Variants in MAGI2 observed in about 807,000 individuals in gnomAD.
MAGI2 encodes the protein membrane associated guanylate kinase, WW and PDZ domain containing 2.
In MAGI2, 35 loss-of-function variants were observed where a neutral mutation model predicts 133.3. The observed-to-expected ratio is 0.26, with a 90% confidence interval of 0.20 to 0.35. The LOEUF (loss-of-function observed/expected upper bound fraction) is 0.35, where lower values mean the gene tolerates loss of function less well. Ranked by LOEUF, MAGI2 falls within the 10% of genes least tolerant of loss-of-function variation. The pLI is 1.00. For synonymous variants in MAGI2, 729 were observed against 710.6 expected (o/e 1.03, Z -0.41); for missense variants, 1,636 against 1,863.4 (o/e 0.88, Z 2.25).
intron 1 of MAGI2, among the ~76,000 whole-genome samples, chr7:79,304,681 T>C (rs1194728988): frequency 6.6e-6 from 1 of 152,230 alleles, no homozygotes; most frequent in Non-Finnish European, 1.5e-5. Context: ...ACACTGCTGC[T>C]GAGCACTGAA....
intron 2 of MAGI2, among the ~76,000 whole-genome samples, chr7:78,763,654 C>G (rs910443822): frequency 1.3e-5 from 2 of 152,164 alleles, no homozygotes; most frequent in African/African-American, 4.8e-5. Context: ...AGCGAAACCC[C>G]GCTCTTTAGA....
intron 2 of MAGI2, among the ~76,000 whole-genome samples, chr7:78,844,655 A>G (rs1466499308): frequency 6.6e-6 from 1 of 151,858 alleles, no homozygotes; most frequent in Non-Finnish European, 1.5e-5. Flanking sequence ...GGTTGGTTGG[A>G]GAGTGACTGC....
chr7:79,213,315 C>G (rs926415316), intron 1 of MAGI2, among the ~76,000 whole-genome samples: 13 of 146,362 alleles, frequency 8.9e-5, no homozygotes, highest in African/African-American at 3.5e-4. Context: ...TTTACACACA[C>G]GTACACACGT....
intron 2 of MAGI2, among the ~76,000 whole-genome samples, chr7:78,878,822 C>T (rs1476315123): frequency 6.6e-6 from 1 of 152,196 alleles, no homozygotes; most frequent in African/African-American, 2.4e-5. Context: ...AGCACCTGCT[C>T]ACCTGGACCA....
chr7:78,779,186 G>T (rs1184154181), intron 2 of MAGI2, among the ~76,000 whole-genome samples: 1 of 152,106 alleles, frequency 6.6e-6, no homozygotes, highest in African/African-American at 2.4e-5. Context: ...GATTACAGGC[G>T]TAAGCCACCA....
At chr7:78,137,324 G>C (rs951921882) in intron 16 of MAGI2, among the ~76,000 whole-genome samples, 1 of 152,132 alleles carries the variant, frequency 6.6e-6, no homozygotes, top group African/African-American at 2.4e-5. Flanking sequence ...AGTAAAATTG[G>C]TATACTAATA....
At chr7:78,289,178 C>G (rs546323911) in intron 9 of MAGI2, among the ~76,000 whole-genome samples, 2 of 152,190 alleles carry the variant, frequency 1.3e-5, no homozygotes, top group East Asian at 3.9e-4. Flanking sequence ...GGAGGATGTT[C>G]GAACCCATCG....
chr7:78,621,324 T>C (rs1006971681), intron 3 of MAGI2: 1 of 152,020 alleles, frequency 6.6e-6, no homozygotes. Context: ...TCATAGTTTC[T>C]ATGTTACTTG....
intron 3 of MAGI2, among the ~76,000 whole-genome samples, chr7:78,573,284 T>TATTTATATATAAATATATATATTTA (rs1563188890): frequency 3.7e-4 from 10 of 26,864 alleles, no homozygotes; most frequent in Non-Finnish European, 5.2e-4. Context: ...ATATATATAT[T>TATTTATATATAAATATATATATTTA]TATATAAATA....
intron 21 of MAGI2, among the ~76,000 whole-genome samples, chr7:78,051,105 C>T (rs1344554517): frequency 6.6e-6 from 1 of 152,242 alleles, no homozygotes; most frequent in Non-Finnish European, 1.5e-5. Context: ...GCAAATGAAG[C>T]CTGCCTGGCA....
chr7:78,643,281 T>G (rs1453209692), intron 2 of MAGI2, among the ~76,000 whole-genome samples: 1 of 152,172 alleles, frequency 6.6e-6, no homozygotes, highest in Non-Finnish European at 1.5e-5. Context: ...AGGACTGATA[T>G]CTTTGGAATG....
intron 1 of MAGI2, among the ~76,000 whole-genome samples, chr7:79,435,961 A>G (rs1457674113): frequency 6.6e-6 from 1 of 152,140 alleles, no homozygotes; most frequent in Non-Finnish European, 1.5e-5. Context: ...CCGGAAATAA[A>G]GCTTCACACC....
At chr7:78,758,239 A>G (rs1206861824) in intron 2 of MAGI2, among the ~76,000 whole-genome samples, 4 of 152,030 alleles carry the variant, frequency 2.6e-5, no homozygotes, top group African/African-American at 9.7e-5. Context: ...CTTGTATCCT[A>G]TTGGTCTCCC....
intron 1 of MAGI2, among the ~76,000 whole-genome samples, chr7:79,154,958 T>C (rs993467443): frequency 6.6e-6 from 1 of 152,196 alleles, no homozygotes; most frequent in Non-Finnish European, 1.5e-5. Context: ...CCCTTCACAC[T>C]ATATTCTCCT....
intron 9 of MAGI2, among the ~76,000 whole-genome samples, chr7:78,311,662 A>C (rs1185876020): frequency 6.6e-6 from 1 of 152,224 alleles, no homozygotes; most frequent in Non-Finnish European, 1.5e-5. Context: ...ATAACTCTAG[A>C]TCAATAGAGA....
At chr7:78,114,101 T>A (rs961469370) in intron 20 of MAGI2, among the ~76,000 whole-genome samples, 1 of 152,210 alleles carries the variant, frequency 6.6e-6, no homozygotes, top group Non-Finnish European at 1.5e-5. Context: ...AGTATTTGAA[T>A]ATGTCTGTCA....
chr7:78,337,033 G>A (rs555202856), intron 9 of MAGI2, among the ~76,000 whole-genome samples: 32 of 152,086 alleles, frequency 2.1e-4, no homozygotes, highest in African/African-American at 7.5e-4. Context: ...ATTAGCCTAG[G>A]GAAAAACACA....
At chr7:78,229,363 C>G (rs576189103) in intron 10 of MAGI2, among the ~76,000 whole-genome samples, 1 of 152,168 alleles carries the variant, frequency 6.6e-6, no homozygotes, top group African/African-American at 2.4e-5. Context: ...CAAGTGAACA[C>G]CAAGATTTGA....
intron 2 of MAGI2, among the ~76,000 whole-genome samples, chr7:78,882,935 A>G (rs1795989414): frequency 6.6e-6 from 1 of 152,058 alleles, no homozygotes; most frequent in South Asian, 2.1e-4. Context: ...GCACTCCCTT[A>G]AGAATAGAAA....
Sources: gnomAD v4.1 joint callset for allele counts (sites outside exome capture counted in the v4.1 genomes callset) on GRCh38, gnomAD v4.1.1 for gene constraint, MANE v1.5 for transcripts, NCBI Gene and HGNC (gene_info 2026-07-23, HGNC 2026-07-21) for gene names.